The following CEP85L variants were observed in gnomAD, a reference collection of about 807,000 sequenced individuals.
CEP85L encodes centrosomal protein 85L.
A neutral mutation model predicts 100.3 loss-of-function variants in CEP85L; 60 were observed. That is an observed-to-expected ratio of 0.60 (90% CI 0.49 to 0.74). The LOEUF is 0.74. CEP85L is among the 30% of genes least tolerant of loss of function. CEP85L has a pLI of 0.00. For missense variants in CEP85L, 973 were observed against 936.2 expected (o/e 1.04, Z -0.51); for synonymous variants, 319 against 322.7 (o/e 0.99, Z 0.12).
intron 1 of CEP85L, among the ~76,000 whole-genome samples, chr6:118,650,840 ACGGGCAAG>A (rs995295235): frequency 1.3e-5 from 2 of 152,090 alleles, no homozygotes; most frequent in Non-Finnish European, 2.9e-5. Flanking sequence ...CCGCGAGCAA[ACGGGCAAG>A]CCCCGTTATC....
intron 3 of CEP85L, among the ~76,000 whole-genome samples, chr6:118,540,786 A>G (rs1010153872): frequency 1.5e-5 from 2 of 134,540 alleles, no homozygotes; most frequent in Non-Finnish European, 3.4e-5. Context: ...AAATAAATAA[A>G]TAAATAAATA....
chr6:118,620,667 C>A (rs1483771625), intron 2 of CEP85L, among the ~76,000 whole-genome samples: 1 of 152,144 alleles, frequency 6.6e-6, no homozygotes, highest in Non-Finnish European at 1.5e-5. Flanking sequence ...CCTCACAGAG[C>A]CCCGGGTAAG....
chr6:118,548,450 T>G (rs548610318), intron 3 of CEP85L: 1 of 152,246 alleles, frequency 6.6e-6, no homozygotes, highest in East Asian at 1.9e-4. Context: ...TCTTAATTCC[T>G]ATAATTTCTA....
chr6:118,502,332 C>A, intron 5 of CEP85L: 1 of 516,544 alleles, frequency 1.9e-6, no homozygotes, highest in Non-Finnish European at 3.6e-6. Flanking sequence ...TTTCAGCAAC[C>A]ATGAGTTTCT....
chr6:118,519,715 G>A (rs1012883667), intron 4 of CEP85L, among the ~76,000 whole-genome samples: 20 of 151,812 alleles, frequency 1.3e-4, no homozygotes, highest in Admixed American at 3.9e-4. Context: ...AATACAGAAA[G>A]ATCAGGAGGG....
intron 3 of CEP85L, among the ~76,000 whole-genome samples, chr6:118,563,387 T>C (rs766040468): frequency 1.3e-5 from 2 of 152,162 alleles, no homozygotes; most frequent in Non-Finnish European, 2.9e-5. Context: ...TCAAATGAGA[T>C]AAAATACTGT....
chr6:118,566,288 A>T lies in CEP85L; in HGVS notation c.261T>A (p.Ser87=), dbSNP rs1413606561. The T allele has an allele frequency of 6.2e-7, 1 of 1,613,654 alleles. No homozygotes were observed. Among genetic ancestry groups the T allele is most frequent in the Non-Finnish European group, 8.5e-7 (1 of 1,179,916 alleles). The change falls in exon 3 of 13, where the codon TCT becomes TCA. Residue 87 remains serine, a synonymous_variant. Coordinates refer to ENST00000368491, the MANE Select transcript of CEP85L (RefSeq NM_001042475.3). The part of the protein sequence containing the change: ...EDHSTSSGTL[S]FKPSQSLITL... Reference sequence around the variant, plus strand: ...TAATCAATGATTGACTAGGCTTAAAAGATAATGTGCCACTTGAAGTTGAAT... The same window carrying T: ...TAATCAATGATTGACTAGGCTTAAATGATAATGTGCCACTTGAAGTTGAAT...
chr6:118,530,901 A>G (rs552205401), intron 3 of CEP85L, among the ~76,000 whole-genome samples: 60 of 152,296 alleles, frequency 3.9e-4, no homozygotes, highest in African/African-American at 1.4e-3. Context: ...CTGGATAAGA[A>G]AAATCAATAT....
intron 2 of CEP85L, among the ~76,000 whole-genome samples, chr6:118,587,884 A>G (rs1490511932): frequency 3.9e-5 from 6 of 152,248 alleles, no homozygotes; most frequent in Admixed American, 3.9e-4. Context: ...ATATGTAAAG[A>G]AAGGAAAGTT....
At chr6:118,497,620 G>T (rs917779611) in intron 5 of CEP85L, among the ~76,000 whole-genome samples, 1 of 152,170 alleles carries the variant, frequency 6.6e-6, no homozygotes, top group African/African-American at 2.4e-5. Context: ...GTGCCAAAAA[G>T]GTTAGGGACT....
intron 3 of CEP85L, among the ~76,000 whole-genome samples, chr6:118,551,889 T>C (rs1389083737): frequency 6.6e-6 from 1 of 152,026 alleles, no homozygotes; most frequent in Non-Finnish European, 1.5e-5. Flanking sequence ...AGTGAACTTT[T>C]GTAAGCCAAC....
chr6:118,542,915 A>AAAAAAAAAAAAAAAAAAAAAC (rs1777985139), intron 3 of CEP85L, among the ~76,000 whole-genome samples: 1 of 150,542 alleles, frequency 6.6e-6, no homozygotes, highest in African/African-American at 2.4e-5. Context: ...AAAAAAAAAA[A>AAAAAAAAAAAAAAAAAAAAAC]AAAAAAAACA....
rs565209296 is a variant in CEP85L at position 118,697,970 on chromosome 6, G to A, written c.-28+12066C>T. 1.6e-4 allele frequency among the ~76,000 whole-genome samples: 25 copies of A among 152,202 alleles called. No individual in the cohort carries two copies. In the South Asian group the frequency reaches 3.5e-3, roughly 21 times the overall value. On this transcript the variant is annotated intron_variant, in intron 1 of 13. Coordinates refer to the CEP85L transcript ENST00000368488. ...CCCTGACGTTCCTGCTGCGAACTTC[G>A]TATTCACTCTTTCTGCAGACTCATT...
At chr6:118,605,337 G>C (rs780309227) in intron 2 of CEP85L, among the ~76,000 whole-genome samples, 1 of 152,146 alleles carries the variant, frequency 6.6e-6, no homozygotes, top group African/African-American at 2.4e-5. Context: ...ATCTCCCAGT[G>C]GGGGGTGGGG....
chr6:118,580,213 G>A (rs73528704), intron 2 of CEP85L, among the ~76,000 whole-genome samples: 1,696 of 152,070 alleles, frequency 0.011, 43 homozygotes, highest in African/African-American at 0.039. Context: ...CTTTCTTGCC[G>A]ATTTATTAAA....
At chr6:118,600,370 T>TGTGTGTGCGTGG (rs58066356) in intron 2 of CEP85L, among the ~76,000 whole-genome samples, 5 of 86,368 alleles carry the variant, frequency 5.8e-5, no homozygotes, top group Non-Finnish European at 1.0e-4. Context: ...TGTGTGTGTG[T>TGTGTGTGCGTGG]AACGCCATGG....
chr6:118,519,407 C>G (rs1038716900), intron 4 of CEP85L, among the ~76,000 whole-genome samples: 1 of 141,472 alleles, frequency 7.1e-6, no homozygotes, highest in Admixed American at 7.7e-5. Context: ...CCACCGCACT[C>G]CAGTCTGGGT....
intron 3 of CEP85L, among the ~76,000 whole-genome samples, chr6:118,538,813 A>G (rs1172782222): frequency 1.3e-5 from 2 of 152,096 alleles, no homozygotes; most frequent in Non-Finnish European, 2.9e-5. Flanking sequence ...TTTTCCAAGC[A>G]TTTTGTTGCT....
intron 1 of CEP85L, among the ~76,000 whole-genome samples, chr6:118,676,715 G>A (rs1291892998): frequency 1.3e-5 from 2 of 152,140 alleles, no homozygotes; most frequent in Non-Finnish European, 2.9e-5. Context: ...AAGTGGGATG[G>A]CTGGATTATA....
Sources: allele counts gnomAD v4.1 joint callset (sites outside exome capture counted in the v4.1 genomes callset), GRCh38; gene constraint gnomAD v4.1.1; transcripts MANE v1.5; gene names NCBI Gene and HGNC (gene_info 2026-07-23, HGNC 2026-07-21).